The following FAM3D variants were observed in gnomAD, a reference collection of about 807,000 sequenced individuals.
FAM3D encodes the protein FAM3 metabolism regulating signaling molecule D, also known as protein FAM3D.
A neutral mutation model predicts 29.8 loss-of-function variants in FAM3D; 26 were observed. The observed-to-expected ratio is 0.87, with a 90% CI of 0.64 to 1.21. The LOEUF is 1.21. Ranked by LOEUF, FAM3D falls within the 50% of genes most tolerant of loss-of-function variation. The pLI is 0.00. For synonymous variants in FAM3D, 115 were observed against 102.3 expected (o/e 1.12, Z -0.75); for missense variants, 253 against 290.9 (o/e 0.87, Z 0.95).
At chr3:58,637,338 G>T in intron 7 of FAM3D, 113 bp from the exon 8 acceptor site, 1 of 950,996 alleles carries the variant, frequency 1.1e-6, no homozygotes. Flanking sequence ...TGGACACTGG[G>T]CTGAGCTCAG....
chr3:58,651,028 T>A (rs1197017489), intron 3 of FAM3D, among the ~76,000 whole-genome samples: 1 of 152,224 alleles, frequency 6.6e-6, no homozygotes, highest in Non-Finnish European at 1.5e-5. Context: ...GTCACTCTTA[T>A]CCGAAAGAAC....
intron 4 of FAM3D, among the ~76,000 whole-genome samples, chr3:58,648,643 A>G (rs2066542293): frequency 6.6e-6 from 1 of 152,186 alleles, no homozygotes; most frequent in Non-Finnish European, 1.5e-5. Flanking sequence ...ACACTCAATC[A>G]TCGTTACTAG....
chr3:58,636,316 C>G lies in FAM3D; in HGVS notation c.563G>C (p.Arg188Thr). ...CACCTGCTCAAAGGGGCTTTTACCCCTGAGGTCTTTGGCTCCTATGAAGAC... is the reference window on the plus strand; with the variant it reads ...CACCTGCTCAAAGGGGCTTTTACCCGTGAGGTCTTTGGCTCCTATGAAGAC... ...SWVFIGAKDL[R>T]GKSPFEQFLK... The change falls in exon 9 of 10, where the codon AGG becomes ACG. Residue 188 changes from arginine to threonine, a missense_variant. Physicochemically the swap from Arg to Thr is moderately conservative, Grantham distance 71. Transcript: ENST00000358781. 7 of 1,614,156 alleles carry G rather than the reference C, an allele frequency of 4.3e-6. No homozygotes were observed. The highest frequency in any genetic ancestry group is 5.9e-6 in the Non-Finnish European group (7 of 1,180,024).
chr3:58,651,169 CT>C (rs1295316212), intron 3 of FAM3D, among the ~76,000 whole-genome samples: 8 of 152,296 alleles, frequency 5.3e-5, no homozygotes, highest in African/African-American at 1.9e-4. Flanking sequence ...ACACTTATCA[CT>C]TTATACTCCA....
intron 1 of FAM3D, among the ~76,000 whole-genome samples, chr3:58,662,400 A>C (rs1306570630): frequency 6.6e-6 from 1 of 152,218 alleles, no homozygotes; most frequent in Non-Finnish European, 1.5e-5. Context: ...GGATCAGGAG[A>C]TCTCACTGAA....
At chr3:58,639,786 G>A (rs1034914706) in intron 7 of FAM3D, among the ~76,000 whole-genome samples, 1 of 152,198 alleles carries the variant, frequency 6.6e-6, no homozygotes, top group African/African-American at 2.4e-5. Context: ...CATGAGTTGG[G>A]ATGGAGATGG....
intron 4 of FAM3D, among the ~76,000 whole-genome samples, chr3:58,645,973 A>G (rs536252615): frequency 2.6e-5 from 4 of 152,208 alleles, no homozygotes; most frequent in Non-Finnish European, 5.9e-5. Context: ...GGGCCATGGC[A>G]GCCTTCTGAG....
At chr3:58,659,267 C>T (rs370703756) in intron 1 of FAM3D, among the ~76,000 whole-genome samples, 31 of 152,278 alleles carry the variant, frequency 2.0e-4, no homozygotes, top group Admixed American at 4.6e-4. Flanking sequence ...GATTCCTATA[C>T]GGATGTTTGC....
In FAM3D at chr3:58,635,675, G is replaced by A. The variant is rs2066145664; in HGVS notation, c.585+619C>T. Among the ~76,000 whole-genome samples the A allele has an allele frequency of 6.6e-6, 1 of 152,198 alleles. No homozygotes were observed. Among genetic ancestry groups the A allele is most frequent in the South Asian group, 2.1e-4 (1 of 4,818 alleles). The stretch of plus-strand genomic sequence containing the variant: ...ACCGGCCTCCTGCGTTCTTCACTGC[G>A]TTCAAGTAATTTCTAGTTACCCAAA... On this transcript the variant is annotated intron_variant, in intron 9 of 9. Coordinates refer to ENST00000358781, the MANE Select transcript of FAM3D (RefSeq NM_138805.3). The surrounding 1 kb of genome is among the most constrained non-coding windows in gnomAD (Gnocchi z 5.2).
At chr3:58,637,878 GATT>G (rs9311680) in intron 7 of FAM3D, among the ~76,000 whole-genome samples, 1 of 148,682 alleles carries the variant, frequency 6.7e-6, no homozygotes, top group African/African-American at 2.5e-5. Flanking sequence ...TTTCCCTTGT[GATT>G]ATTATTATTA....
Position 58,650,417 on chromosome 3 carries a change from C to CAG in FAM3D, c.122-1081_122-1080dup, listed in dbSNP as rs149308345. Among the ~76,000 whole-genome samples, 19 of 151,016 alleles carry CAG rather than the reference C, an allele frequency of 1.3e-4. No homozygotes were observed. The East Asian group carries it at 1.6e-3, about 12-fold the overall frequency. ...GTGGGGGCAGGGGGAGAGGGAGAGA[C>CAG]AGAGAGAGAGAGAGAAAGTGCTTTT... On this transcript the variant is annotated intron_variant, in intron 3 of 9. Coordinates refer to ENST00000358781, the MANE Select transcript of FAM3D (RefSeq NM_138805.3).
intron 6 of FAM3D, among the ~76,000 whole-genome samples, chr3:58,642,130 C>G (rs1332373844): frequency 6.6e-6 from 1 of 152,276 alleles, no homozygotes; most frequent in East Asian, 1.9e-4. Flanking sequence ...TGGAGTGGAA[C>G]AGGCCTGGGC....
intron 3 of FAM3D, among the ~76,000 whole-genome samples, chr3:58,650,355 G>C (rs2066600478): frequency 6.6e-6 from 1 of 152,198 alleles, no homozygotes; most frequent in Non-Finnish European, 1.5e-5. Flanking sequence ...TCTGGAGACA[G>C]AGCCCTTCCC....
At chr3:58,652,198 G>A (rs1040258518) in intron 3 of FAM3D, among the ~76,000 whole-genome samples, 1 of 152,216 alleles carries the variant, frequency 6.6e-6, no homozygotes, top group Non-Finnish European at 1.5e-5. Context: ...ACTTGGGTGA[G>A]TTTTTAAATC....
At position 58,636,396 on chromosome 3, in the gene FAM3D, G is replaced by A. The variant is rs763829080; in HGVS notation, c.483C>T (p.Leu161=). Residue 161 remains leucine, a synonymous_variant, in exon 9 of 10, where the codon CTC becomes CTT. Transcript: ENST00000358781. The stretch of plus-strand genomic sequence containing the variant: ...CGTAGGAACTCCCCAAGTCAGAGAA[G>A]AGTTTCCTGCTTTCATCGTTCATTC... ...GTKMNDESRK[L]FSDLGSSYAK... 1.2e-6 allele frequency: 2 copies of A among 1,614,092 alleles called. No individual in the cohort carries two copies. Among genetic ancestry groups the A allele is most frequent in the Non-Finnish European group, 1.7e-6 (2 of 1,180,044 alleles).
intron 1 of FAM3D, 50 bp from the exon 2 acceptor site, chr3:58,655,651 G>T (rs1434243785): frequency 2.5e-5 from 37 of 1,477,994 alleles, no homozygotes; most frequent in Non-Finnish European, 3.3e-5. Context: ...GTCTGCAAGT[G>T]ATCAAGCCTG....
At chr3:58,641,866 T>G (rs1201448476) in intron 6 of FAM3D, among the ~76,000 whole-genome samples, 1 of 152,242 alleles carries the variant, frequency 6.6e-6, no homozygotes, top group Non-Finnish European at 1.5e-5. Context: ...TGGGGCCATC[T>G]CATTGGAGAA....
At position 58,643,840 on chromosome 3, in the gene FAM3D, C is replaced by G. The variant is rs2066403759; in HGVS notation, c.264-120G>C. 3 of 852,090 alleles carry G rather than the reference C, an allele frequency of 3.5e-6. No individual in the cohort carries two copies. The Admixed American group carries it at 5.7e-5, about 16-fold the overall frequency. The allele number at this position is 852,090 out of a possible 1,614,324, so 52.8% of individuals were successfully genotyped here. A position where few individuals can be genotyped will look rare whatever the true frequency, so the allele number is the denominator to read the frequency against. On this transcript the variant is annotated intron_variant, in intron 5 of 9. Coordinates refer to ENST00000358781, the MANE Select transcript of FAM3D (RefSeq NM_138805.3). ...AGCAATGCAGAAGCATTGGGAAACA[C>G]ATGCAATAACTGGGGCCATCTGTTT...
rs144039641 is a variant in FAM3D at position 58,656,648 on chromosome 3, C to T, written c.-38-1047G>A. 9.4e-3 allele frequency among the ~76,000 whole-genome samples: 1,427 copies of T among 152,276 alleles called. 22 individuals are homozygous for T. Among genetic ancestry groups the T allele is most frequent in the Admixed American group, 0.02 (310 of 15,296 alleles). On this transcript the variant is annotated intron_variant, in intron 1 of 9. Coordinates refer to ENST00000358781, the MANE Select transcript of FAM3D (RefSeq NM_138805.3). ...ACACCAGCTCCAAGGCAGCAGGTAACCTTCTCTGACTGTGATGACCTCTCC... is the reference window on the plus strand; with the variant it reads ...ACACCAGCTCCAAGGCAGCAGGTAATCTTCTCTGACTGTGATGACCTCTCC...
Sources: allele counts gnomAD v4.1 joint callset (sites outside exome capture counted in the v4.1 genomes callset), GRCh38; gene constraint gnomAD v4.1.1; non-coding constraint Gnocchi (gnomAD v3.1); transcripts MANE v1.5; gene names NCBI Gene and HGNC (gene_info 2026-07-23, HGNC 2026-07-21).